The following DTNA variants were observed in gnomAD, a reference collection of about 807,000 sequenced individuals.
DTNA encodes dystrobrevin alpha, also known as dystrophin-related protein 3.
DTNA carries 43 observed loss-of-function variants against 100.7 expected under a neutral mutation model. The observed-to-expected ratio is 0.43, with a 90% CI of 0.33 to 0.55. DTNA has a LOEUF of 0.55. DTNA is among the 20% of genes least tolerant of loss of function. The probability of loss-of-function intolerance (pLI) is 0.04; values close to 1 mark genes in which losing one functional copy is unlikely to be tolerated. For missense variants in DTNA, 798 were observed against 953.9 expected (o/e 0.84, Z 2.15); for synonymous variants, 349 against 347.9 (o/e 1.00, Z -0.04).
intron 1 of DTNA, among the ~76,000 whole-genome samples, chr18:34,641,504 C>A (rs533541402): frequency 7.5e-4 from 115 of 152,324 alleles, no homozygotes; most frequent in African/African-American, 2.7e-3. Context: ...ATGACAGCCC[C>A]TTAAATATTT....
intron 10 of DTNA, among the ~76,000 whole-genome samples, chr18:34,827,888 C>G (rs2095896945): frequency 6.6e-6 from 1 of 152,104 alleles, no homozygotes; most frequent in Admixed American, 6.6e-5. Context: ...GTCTGGAAAC[C>G]TGCATTTATA....
chr18:34,616,634 A>C (rs2055343624), intron 1 of DTNA, among the ~76,000 whole-genome samples: 1 of 152,054 alleles, frequency 6.6e-6, no homozygotes, highest in Non-Finnish European at 1.5e-5. Flanking sequence ...TTCCATATGA[A>C]TTTTAGATTT....
intron 1 of DTNA, among the ~76,000 whole-genome samples, chr18:34,538,885 G>A (rs1198661173): frequency 1.3e-5 from 2 of 151,780 alleles, no homozygotes; most frequent in Non-Finnish European, 1.5e-5. Context: ...AATCCACACA[G>A]GAAAATTTTG....
At chr18:34,510,069 T>TTG (rs35805954) in intron 1 of DTNA, among the ~76,000 whole-genome samples, 5,583 of 144,968 alleles carry the variant, frequency 0.039, 326 homozygotes, top group African/African-American at 0.13. Context: ...GAGTGTAATT[T>TTG]TGTGTGTGTG....
intron 1 of DTNA, among the ~76,000 whole-genome samples, chr18:34,564,819 A>G (rs950362931): frequency 2.8e-4 from 43 of 152,170 alleles, no homozygotes; most frequent in Admixed American, 4.6e-4. Context: ...CTGACCCTCC[A>G]TAGACAGGGT....
intron 3 of DTNA, among the ~76,000 whole-genome samples, chr18:34,791,922 A>G (rs370949791): frequency 6.6e-6 from 1 of 152,310 alleles, no homozygotes; most frequent in African/African-American, 2.4e-5. Context: ...GAGGTCATGC[A>G]CTTGTCGTAG....
chr18:34,647,889 A>C (rs190980787), intron 1 of DTNA, among the ~76,000 whole-genome samples: 1 of 152,372 alleles, frequency 6.6e-6, no homozygotes, highest in East Asian at 1.9e-4. Context: ...GAATTAATGC[A>C]TGCCTACCTC....
intron 6 of DTNA, among the ~76,000 whole-genome samples, chr18:34,814,116 C>CT (rs536916717): frequency 5.9e-5 from 9 of 152,122 alleles, no homozygotes; most frequent in Non-Finnish European, 1.2e-4. Context: ...CTAATTCCAT[C>CT]TGTTAATGTT....
intron 1 of DTNA, among the ~76,000 whole-genome samples, chr18:34,655,230 T>C (rs1483277249): frequency 9.2e-5 from 14 of 152,182 alleles, no homozygotes. Flanking sequence ...ACTCAAGCCC[T>C]TCTCTGAATC....
intron 1 of DTNA, among the ~76,000 whole-genome samples, chr18:34,558,951 A>G (rs2046384933): frequency 6.6e-6 from 1 of 152,180 alleles, no homozygotes; most frequent in South Asian, 2.1e-4. Context: ...GCCTGTGACA[A>G]ACTGCATATG....
chr18:34,599,782 A>G (rs954241799), intron 1 of DTNA, among the ~76,000 whole-genome samples: 16 of 152,090 alleles, frequency 1.1e-4, no homozygotes, highest in East Asian at 3.9e-4. Context: ...GGTTCAAGCA[A>G]TTCTCCTGCC....
intron 1 of DTNA, among the ~76,000 whole-genome samples, chr18:34,613,678 T>C (rs1011528510): frequency 6.6e-6 from 1 of 152,146 alleles, no homozygotes; most frequent in Non-Finnish European, 1.5e-5. Flanking sequence ...AGGCCCTAAC[T>C]CTTCAATTCT....
intron 3 of DTNA, among the ~76,000 whole-genome samples, chr18:34,783,950 A>G (rs892803734): frequency 4.6e-5 from 7 of 152,208 alleles, no homozygotes; most frequent in Non-Finnish European, 8.8e-5. Context: ...CTCTGAATCA[A>G]AGGAGCATCT....
At chr18:34,590,666 A>C (rs974843941) in intron 1 of DTNA, among the ~76,000 whole-genome samples, 1 of 152,230 alleles carries the variant, frequency 6.6e-6, no homozygotes. Flanking sequence ...CTTCTTGTTC[A>C]TGATAAATCA....
In DTNA at chr18:34,752,257, A is replaced by T. The variant is rs2092387040; in HGVS notation, c.-1-3719A>T. Among the ~76,000 whole-genome samples, 8 of 152,300 alleles carry T rather than the reference A, an allele frequency of 5.3e-5. No individual in the cohort carries two copies. In the South Asian group the frequency reaches 1.7e-3, roughly 32 times the overall value. ...CTTTGGGCAGCTGTTGTTGTACTGA[A>T]ATTCATGAAAAGCACAGCTCCTTGT... On this transcript the variant is annotated intron_variant, in intron 1 of 22. Transcript: ENST00000444659.
At chr18:34,802,718 C>T (rs2095255734) in intron 4 of DTNA, among the ~76,000 whole-genome samples, 1 of 152,172 alleles carries the variant, frequency 6.6e-6, no homozygotes, top group African/African-American at 2.4e-5. Flanking sequence ...GCAGAATAAT[C>T]TCACAGTCTC....
chr18:34,601,370 A>C (rs984079614), intron 1 of DTNA, among the ~76,000 whole-genome samples: 2 of 152,202 alleles, frequency 1.3e-5, no homozygotes, highest in African/African-American at 2.4e-5. Flanking sequence ...GGGAACTGAC[A>C]TGGCATACTG....
intron 1 of DTNA, among the ~76,000 whole-genome samples, chr18:34,684,220 A>G (rs188045613): frequency 1.3e-5 from 2 of 152,244 alleles, no homozygotes. Flanking sequence ...ACACAGGCAT[A>G]CAGGTACCAT....
At chr18:34,829,074 G>A in intron 10 of DTNA, 1 of 1,614,056 alleles carries the variant, frequency 6.2e-7, no homozygotes, top group Non-Finnish European at 8.5e-7. Context: ...GCGTCTAGAT[G>A]GATAACATGA....
Sources: allele counts gnomAD v4.1 joint callset (sites outside exome capture counted in the v4.1 genomes callset), GRCh38; gene constraint gnomAD v4.1.1; transcripts MANE v1.5; gene names NCBI Gene and HGNC (gene_info 2026-07-23, HGNC 2026-07-21).